The following EXD2 variants were observed in gnomAD, a reference collection of about 807,000 sequenced individuals.
EXD2 encodes the protein exonuclease 3'-5' domain containing 2.
A neutral mutation model predicts 62.5 loss-of-function variants in EXD2; 40 were observed. That is an observed-to-expected ratio of 0.64 (90% confidence interval 0.50 to 0.83). The LOEUF is 0.83. Ranked by LOEUF, EXD2 falls within the 40% of genes least tolerant of loss-of-function variation. The probability of loss-of-function intolerance (pLI) is 0.00; values close to 1 mark genes in which losing one functional copy is unlikely to be tolerated. For missense variants in EXD2, 671 were observed against 761.8 expected, an observed-to-expected ratio of 0.88 and a Z score of 1.40; for synonymous variants, 239 against 291.9, an observed-to-expected ratio of 0.82 and a Z score of 1.85.
At position 69,241,812 on chromosome 14, in the gene EXD2, T is replaced by TC. The variant is rs1324356799; in HGVS notation, c.*714dup. 7 of 398,904 alleles carry TC rather than the reference T, an allele frequency of 1.8e-5. No individual in the cohort carries two copies. The highest frequency in any genetic ancestry group is 3.1e-5 in the Non-Finnish European group (7 of 226,062). The allele number at this position is 398,904 out of a possible 1,614,324, so 24.7% of individuals were successfully genotyped here. ...GGGTGGGGCAGAAAGAACCACAAAC[T>TC]CCATCTCCCAATAGAACTTTGAAAT... On this transcript the variant is annotated 3_prime_UTR_variant, in exon 10 of 10. Transcript: ENST00000685843.
In EXD2 at chr14:69,230,566, A is replaced by C; in HGVS notation, c.685A>C (p.Asn229His). 6.2e-7 allele frequency: 1 copy of C among 1,613,868 alleles called. No individual in the cohort carries two copies. Among genetic ancestry groups the C allele is most frequent in the Non-Finnish European group, 8.5e-7 (1 of 1,179,874 alleles). The change falls in exon 5 of 10, where the codon AAC (asparagine) becomes CAC (histidine). Residue 229 changes from asparagine (N) to histidine (H), a missense_variant. Physicochemically the swap from Asn to His is moderately conservative, Grantham distance 68. Coordinates refer to ENST00000685843, the MANE Select transcript of EXD2 (RefSeq NM_001193360.2). ...LDKSLLLRCS[N>H]WDAETLTEDQ... ...CAAGTCCCTTCTACTTCGTTGCAGC[A>C]ACTGGGATGCTGAGACTCTCACAGA...
At chr14:69,198,867 T>C (rs1426118051) in intron 1 of EXD2, among the ~76,000 whole-genome samples, 1 of 152,248 alleles carries the variant, frequency 6.6e-6, no homozygotes, top group Non-Finnish European at 1.5e-5. Flanking sequence ...TACTGAGTCC[T>C]GTAGGCAGTT....
Position 69,237,773 on chromosome 14 carries a change from T to C in EXD2, c.1491T>C (p.Pro497=), listed in dbSNP as rs768943200. Residue 497 remains proline, a synonymous_variant, in exon 9 of 10, where the codon CCT becomes CCC. Transcript: ENST00000685843. ...AGGGCTTGCGCCTGCTGGAAGATCC[T>C]GAGCGCCGGCAGGTGCGTTCTGGGG... is the stretch of plus-strand genomic sequence containing the variant. ...SEEGLRLLED[P]ERRQVRSGAR... The C allele has an allele frequency of 6.2e-6, 10 of 1,613,614 alleles. No homozygotes were observed. Among genetic ancestry groups the C allele is most frequent in the African/African-American group, 2.7e-5 (2 of 74,952 alleles).
chr14:69,226,663 G>A (rs1409190533), intron 3 of EXD2, among the ~76,000 whole-genome samples: 2 of 152,094 alleles, frequency 1.3e-5, no homozygotes, highest in Non-Finnish European at 2.9e-5. Flanking sequence ...CAGGAGAATC[G>A]CTTGAACCCG....
In EXD2 at chr14:69,234,977, G is replaced by A. The variant is rs1481489061; in HGVS notation, c.995G>A (p.Gly332Glu). 1 of 1,611,766 alleles carries A rather than the reference G, an allele frequency of 6.2e-7. No homozygotes were observed. Among genetic ancestry groups the A allele is most frequent in the South Asian group, 1.1e-5 (1 of 90,556 alleles). The change falls in exon 6 of 10, where the codon GGG becomes GAG. Residue 332 changes from glycine (G) to glutamate (E), a missense_variant. Transcript: ENST00000685843. ...GGGATGGTGCCAGGCAACCACCAAGGGAGAGACCCCAGAAAACATAAAAGA... is the reference window on the plus strand; with the variant it reads ...GGGATGGTGCCAGGCAACCACCAAGAGAGAGACCCCAGAAAACATAAAAGA... ...MDGMVPGNHQ[G>E]RDPRKHKRKP...
intron 1 of EXD2, among the ~76,000 whole-genome samples, chr14:69,200,269 CA>C (rs2042349634): frequency 6.6e-6 from 1 of 152,056 alleles, no homozygotes; most frequent in South Asian, 2.1e-4. Flanking sequence ...TAGGGCTTAT[CA>C]GGGGTTAGAA....
chr14:69,240,114 G>A (rs972444932), intron 9 of EXD2, among the ~76,000 whole-genome samples: 1 of 152,156 alleles, frequency 6.6e-6, no homozygotes, highest in Non-Finnish European at 1.5e-5. Flanking sequence ...CTGGGGTGGC[G>A]GGTGTCTTGG....
chr14:69,206,456 T>C (rs11158797), intron 2 of EXD2, among the ~76,000 whole-genome samples: 11,765 of 29,804 alleles, frequency 0.39, 2,266 homozygotes, highest in East Asian at 0.78. Flanking sequence ...ACCCACCCAC[T>C]TTTTTTTTTT....
At chr14:69,221,081 C>T (rs1452499274) in intron 3 of EXD2, among the ~76,000 whole-genome samples, 2 of 152,092 alleles carry the variant, frequency 1.3e-5, no homozygotes, top group Non-Finnish European at 1.5e-5. Context: ...GTTGTCCAGG[C>T]TGGTGTCAAA....
chr14:69,241,075 A>C lies in EXD2; in HGVS notation c.1841A>C (p.Glu614Ala). Residue 614 changes from glutamate (E) to alanine (A), a missense_variant, in exon 10 of 10, where the codon GAA becomes GCA. Transcript: ENST00000685843. ...CAGAAGCTGCTCCGGAAATTCGGGG[A>C]AGATCTTCCCATCCAGCTGTCTTGA... is the stretch of plus-strand genomic sequence containing the variant. ...NHQKLLRKFG[E>A]DLPIQLS is the part of the protein sequence containing the mutation. 1 of 1,612,560 alleles carries C rather than the reference A, an allele frequency of 6.2e-7. No individual in the cohort carries two copies. The highest frequency in any genetic ancestry group is 2.2e-5 in the East Asian group (1 of 44,884).
At chr14:69,198,961 G>C (rs965803713) in intron 1 of EXD2, among the ~76,000 whole-genome samples, 18 of 152,196 alleles carry the variant, frequency 1.2e-4, no homozygotes, top group African/African-American at 4.1e-4. Context: ...GCTAAACAGT[G>C]GGCCGGGCAT....
At chr14:69,221,128 C>T (rs2043172012) in intron 3 of EXD2, among the ~76,000 whole-genome samples, 1 of 152,142 alleles carries the variant, frequency 6.6e-6, no homozygotes, top group Non-Finnish European at 1.5e-5. Flanking sequence ...CTCAGCCTCC[C>T]AAAGTGCTGG....
At position 69,225,443 on chromosome 14, in the gene EXD2, G is replaced by T. The variant is rs569095732; in HGVS notation, c.334-3373G>T. Among the ~76,000 whole-genome samples, 4 of 152,290 alleles carry T rather than the reference G, an allele frequency of 2.6e-5. No homozygotes were observed. The South Asian group carries it at 8.3e-4, about 32-fold the overall frequency. ...CTCTAAATGAATCACTGGAACAGCA[G>T]AGTGTTAGAAATTGTATCTGTAATG... On this transcript the variant is annotated intron_variant, in intron 3 of 9. Coordinates refer to ENST00000685843, the MANE Select transcript of EXD2 (RefSeq NM_001193360.2).
At chr14:69,202,967 T>C (rs2140208992) in intron 1 of EXD2, among the ~76,000 whole-genome samples, 1 of 152,384 alleles carries the variant, frequency 6.6e-6, no homozygotes, top group East Asian at 1.9e-4. Context: ...TACTTAAAAA[T>C]GTATCATTTC....
chr14:69,205,382 C>T lies in EXD2; in HGVS notation c.-48+1382C>T, dbSNP rs375315739. ...TGTTTTCTCCCTCTTTATCTGTCTA[C>T]TACATTCTGGTGACTTCCTCAGATT... On this transcript the variant is annotated intron_variant, in intron 2 of 9. Transcript: ENST00000685843. Among the ~76,000 whole-genome samples the T allele has an allele frequency of 3.3e-5, 5 of 152,136 alleles. No homozygotes were observed. The South Asian group carries it at 8.3e-4, about 25-fold the overall frequency.
chr14:69,233,600 C>T (rs1450100462), intron 5 of EXD2, among the ~76,000 whole-genome samples: 2 of 151,630 alleles, frequency 1.3e-5, no homozygotes, highest in African/African-American at 2.4e-5. Context: ...CCACCGCGCC[C>T]AGCTGATTTT....
At chr14:69,221,354 G>T (rs1465109316) in intron 3 of EXD2, among the ~76,000 whole-genome samples, 1 of 152,042 alleles carries the variant, frequency 6.6e-6, no homozygotes, top group East Asian at 1.9e-4. Context: ...TTGAATTATG[G>T]ATACAATTTC....
intron 1 of EXD2, among the ~76,000 whole-genome samples, chr14:69,194,283 C>T (rs927987637): frequency 3.3e-5 from 5 of 151,802 alleles, no homozygotes; most frequent in East Asian, 1.9e-4. Context: ...GGACTACAGG[C>T]GCCCACCACC....
At chr14:69,210,535 C>T (rs568245839) in intron 3 of EXD2, among the ~76,000 whole-genome samples, 39 of 152,188 alleles carry the variant, frequency 2.6e-4, no homozygotes, top group Admixed American at 2.1e-3. Flanking sequence ...CTGAGTGTGG[C>T]GGTGGCTCAT....
Sources: allele counts gnomAD v4.1 joint callset (sites outside exome capture counted in the v4.1 genomes callset), GRCh38; gene constraint gnomAD v4.1.1; transcripts MANE v1.5; gene names NCBI Gene and HGNC (gene_info 2026-07-23, HGNC 2026-07-21).